The following ADA2 variants were observed in gnomAD, a reference collection of about 807,000 sequenced individuals.
ADA2 encodes adenosine deaminase CECR1.
ADA2 carries 29 observed loss-of-function variants against 44.2 expected under a neutral mutation model. The ratio of observed to expected loss-of-function variants is 0.66; its 90% CI spans 0.49 to 0.89. The LOEUF (loss-of-function observed/expected upper bound fraction) is 0.89. Ranked by LOEUF, ADA2 falls within the 40% of genes least tolerant of loss-of-function variation. ADA2 has a pLI of 0.00. For synonymous variants in ADA2, 215 were observed against 234.9 expected (o/e 0.92, Z 0.77); for missense variants, 637 against 644.8 (o/e 0.99, Z 0.13).
At chr22:17,215,364 G>A (rs2062459193) in intron 1 of ADA2, among the ~76,000 whole-genome samples, 1 of 148,674 alleles carries the variant, frequency 6.7e-6, no homozygotes, top group Non-Finnish European at 1.5e-5. Flanking sequence ...ACTTTGGGAG[G>A]CCGAGGCAGG....
At chr22:17,193,132 G>C (rs2062141998) in intron 4 of ADA2, 3 of 1,400,890 alleles carry the variant, frequency 2.1e-6, no homozygotes, top group Non-Finnish European at 2.9e-6. Flanking sequence ...GCTTCCAGAA[G>C]TTCCTGGTCC....
Position 17,181,901 on chromosome 22 carries a change from T to C in ADA2, c.1361A>G (p.Asp454Gly). The change falls in exon 9 of 10, where the codon GAT (aspartate) becomes GGT (glycine). Residue 454 changes from aspartate (D) to glycine (G), a missense_variant. By Grantham distance (94) the Asp-to-Gly change is moderately conservative. Coordinates refer to ENST00000399837, the MANE Select transcript of ADA2 (RefSeq NM_001282225.2). Reference protein sequence around the residue: ...AMFGAKGLSYDFYEVFMGIGG... With the variant: ...AMFGAKGLSYGFYEVFMGIGG... ...AATGCCCATGAAGACCTCATAGAAA[T>C]CATAGGACAAGCCTTTGGCACCAAA... 2 of 1,614,024 alleles carry C rather than the reference T, an allele frequency of 1.2e-6. No homozygotes were observed. The highest frequency in any genetic ancestry group is 2.2e-5 in the East Asian group (1 of 44,870).
chr22:17,221,536 C>A (rs569713264), upstream of ADA2, among the ~76,000 whole-genome samples: 3 of 151,312 alleles, frequency 2.0e-5, no homozygotes, highest in Non-Finnish European at 4.4e-5. Flanking sequence ...TCTTTCCAAA[C>A]GCTTTAGCTA....
intron 1 of ADA2, among the ~76,000 whole-genome samples, chr22:17,217,992 C>A (rs1230610964): frequency 6.6e-6 from 1 of 152,168 alleles, no homozygotes; most frequent in African/African-American, 2.4e-5. Flanking sequence ...CTCCAGATCT[C>A]AGTGTCCTCA....
At chr22:17,183,276 G>C (rs1191856497) in intron 7 of ADA2, among the ~76,000 whole-genome samples, 1 of 151,910 alleles carries the variant, frequency 6.6e-6, no homozygotes, top group African/African-American at 2.4e-5. Context: ...GTAGAGACAG[G>C]GTTTCACCAT....
chr22:17,212,588 G>A (rs1396676568), intron 1 of ADA2, among the ~76,000 whole-genome samples: 1 of 152,014 alleles, frequency 6.6e-6, no homozygotes, highest in Non-Finnish European at 1.5e-5. Flanking sequence ...TCTTGAATAG[G>A]AGAAAATATT....
intron 7 of ADA2, among the ~76,000 whole-genome samples, chr22:17,186,576 T>G (rs5748932): frequency 6.6e-6 from 1 of 150,940 alleles, no homozygotes; most frequent in Non-Finnish European, 1.5e-5. Context: ...AGTAAGACTC[T>G]GTCTCAAAAG....
At position 17,181,552 on chromosome 22, in the gene ADA2, C is replaced by T. The variant is rs61738625; in HGVS notation, c.1467G>A (p.Glu489=). The T allele has an allele frequency of 2.5e-6, 4 of 1,612,732 alleles. No individual in the cohort carries two copies. The South Asian group carries it at 4.4e-5, about 18-fold the overall frequency. Residue 489 remains glutamate (E), a synonymous_variant, in exon 10 of 10, where the codon GAG becomes GAA. Transcript: ENST00000399837. ...TCCAGATTTCCATGAAAGTATTTTT[C>T]TCACTCTCCAACAGGGTACTGTACC... ...SIKYSTLLES[E]KNTFMEIWKK... is the part of the protein sequence containing the mutation.
intron 1 of ADA2, chr22:17,214,135 C>A: frequency 1.4e-6 from 1 of 736,774 alleles, no homozygotes; most frequent in Non-Finnish European, 2.4e-6. Flanking sequence ...GCATTACATT[C>A]CCAGAGTCAG....
At chr22:17,182,188 G>A (rs571729827) in intron 8 of ADA2, among the ~76,000 whole-genome samples, 166 bp from the exon 9 acceptor site, 4 of 152,318 alleles carry the variant, frequency 2.6e-5, no homozygotes, top group African/African-American at 9.6e-5. Flanking sequence ...ATAAGGAACA[G>A]AGCCAGTCCT....
In ADA2 at chr22:17,181,839, G is replaced by A. The variant is rs138076444; in HGVS notation, c.1423C>T (p.Leu475=). The A allele has an allele frequency of 5.7e-5, 92 of 1,613,460 alleles. No homozygotes were observed. The African/African-American group carries it at 1.0e-3, about 18-fold the overall frequency. ...MKADLRTLKQ[L]AMNSIKYSTL... The stretch of plus-strand genomic sequence containing the variant: ...ACTCACTTGATAGAGTTCATGGCCA[G>A]CTGTTTGAGGGTCCTCAGGTCAGCC... The change falls in exon 9 of 10, where the codon CTG becomes TTG. Residue 475 remains leucine (L), a synonymous_variant. Transcript: ENST00000399837.
In ADA2 at chr22:17,185,250, A is replaced by C. The variant is rs143410312; in HGVS notation, c.1082-2489T>G. ...ACATGGTGAAACCCCGTCTCTACTA[A>C]AAATACAAAAAATATTAGCCGGGCG... On this transcript the variant is annotated intron_variant, in intron 7 of 9. Coordinates refer to ENST00000399837, the MANE Select transcript of ADA2 (RefSeq NM_001282225.2). Among the ~76,000 whole-genome samples, 1,356 of 150,942 alleles carry C rather than the reference A, an allele frequency of 9.0e-3. 65 individuals carry two copies. In the East Asian group the frequency reaches 0.12, roughly 14 times the overall value.
Position 17,194,454 on chromosome 22 carries a change from C to T in ADA2, c.754-2644G>A, listed in dbSNP as rs1241535378. 3.9e-5 allele frequency among the ~76,000 whole-genome samples: 6 copies of T among 152,148 alleles called. No individual in the cohort carries two copies. The East Asian group carries it at 1.2e-3, about 29-fold the overall frequency. On this transcript the variant is annotated intron_variant, in intron 4 of 9. Coordinates refer to ENST00000399837, the MANE Select transcript of ADA2 (RefSeq NM_001282225.2). ...AGTCCCTCAGATCCCCGCATTCCCC[C>T]AGGCCTGCAGAACAGTACTGCTGCT...
upstream of ADA2, among the ~76,000 whole-genome samples, chr22:17,220,443 T>A (rs1292875119): frequency 6.6e-6 from 1 of 152,022 alleles, no homozygotes; most frequent in East Asian, 1.9e-4. Flanking sequence ...CATCTGAAAA[T>A]GTGGATAATA....
In ADA2 at chr22:17,209,579, T is replaced by C. The variant is rs756117225; in HGVS notation, c.99A>G (p.Thr33=). 5 of 1,613,956 alleles carry C rather than the reference T, an allele frequency of 3.1e-6. No homozygotes were observed. The highest frequency in any genetic ancestry group is 2.7e-5 in the African/African-American group (2 of 74,890). Residue 33 remains threonine (T), a synonymous_variant, in exon 2 of 10, where the codon ACA becomes ACG. Transcript: ENST00000399837. ...FFGSALSIDE[T]RAHLLLKEKM... ...TTTCTTTCAACAACAGATGCGCCCG[T>C]GTTTCATCTATGGATAGAGCTGAGC...
intron 4 of ADA2, among the ~76,000 whole-genome samples, chr22:17,202,521 C>A (rs1259497780): frequency 6.6e-6 from 1 of 152,142 alleles, no homozygotes; most frequent in Non-Finnish European, 1.5e-5. Context: ...CCAGCCTTAG[C>A]CTCCCAAAGT....
At chr22:17,199,255 G>T (rs1172314310) in intron 4 of ADA2, among the ~76,000 whole-genome samples, 1 of 152,100 alleles carries the variant, frequency 6.6e-6, no homozygotes, top group Admixed American at 6.5e-5. Context: ...CTCCACCTCC[G>T]GCTCTGGAAG....
chr22:17,195,761 C>CTTTT (rs59967054), intron 4 of ADA2, among the ~76,000 whole-genome samples: 1 of 128,788 alleles, frequency 7.8e-6, no homozygotes, highest in African/African-American at 2.9e-5. Context: ...AATTTCTTTC[C>CTTTT]TTTTTTTTTT....
intron 4 of ADA2, among the ~76,000 whole-genome samples, chr22:17,195,386 G>A (rs1300410589): frequency 6.6e-6 from 1 of 151,974 alleles, no homozygotes; most frequent in East Asian, 1.9e-4. Context: ...ACAATTAGCC[G>A]GGCGTGGTGG....
Sources: allele counts gnomAD v4.1 joint callset (sites outside exome capture counted in the v4.1 genomes callset), GRCh38; gene constraint gnomAD v4.1.1; transcripts MANE v1.5; gene names NCBI Gene and HGNC (gene_info 2026-07-23, HGNC 2026-07-21).